The following GIGYF2 variants were observed in gnomAD, a reference collection of about 807,000 sequenced individuals.
GIGYF2 encodes the protein GRB10 interacting GYF protein 2, also known as GRB10-interacting GYF protein 2.
In GIGYF2, 25 loss-of-function variants were observed where a neutral mutation model predicts 208.1. The observed-to-expected ratio is 0.12, with a 90% CI of 0.09 to 0.17. The LOEUF is 0.17. Among genes scored for constraint, GIGYF2 ranks in the 10% least tolerant of loss-of-function variants. The pLI is 1.00. For missense variants in GIGYF2, 1,302 were observed against 1,579.4 expected, an observed-to-expected ratio of 0.82 and a Z score of 2.98; for synonymous variants, 534 against 543.8, an observed-to-expected ratio of 0.98 and a Z score of 0.25.
chr2:232,788,583 C>CA lies in GIGYF2; in HGVS notation c.712+1257dup, dbSNP rs373867892. 523 of 470,720 alleles carry CA rather than the reference C, an allele frequency of 1.1e-3. 3 individuals are homozygous for CA. Among genetic ancestry groups the CA allele is most frequent in the African/African-American group, 9.4e-3 (472 of 50,166 alleles). The allele number at this position is 470,720 out of a possible 1,614,324, so 29.2% of individuals were successfully genotyped here. ...AAAAGAAATTCCAGCTGGTCAAAAA[C>CA]AAACAAGGTGAATGTTTTGGAAGAT... On this transcript the variant is annotated intron_variant, in intron 9 of 28. Transcript: ENST00000373563.
chr2:232,791,602 T>C (rs1346156711), intron 12 of GIGYF2, among the ~76,000 whole-genome samples, 156 bp downstream of exon 12: 1 of 152,232 alleles, frequency 6.6e-6, no homozygotes, highest in African/African-American at 2.4e-5. Context: ...CAAACAGTGC[T>C]TCTCACGTAT....
chr2:232,815,374 A>G (rs568606696), intron 18 of GIGYF2, among the ~76,000 whole-genome samples: 1 of 152,326 alleles, frequency 6.6e-6, no homozygotes, highest in South Asian at 2.1e-4. Flanking sequence ...AAATGGGGGT[A>G]TGAATAGAAA....
Position 232,819,802 on chromosome 2 carries a change from CCCACCCT to C in GIGYF2, c.2371-21_2371-15del. ...ATAGACCTGAGTCCCTCCCCCACCC[CCCACCCT>C]CCATCTTTTTTCCTTAGGAAGAGGC... On this transcript the variant is annotated intron_variant, in intron 20 of 28. Transcript: ENST00000373563. 4.1e-5 allele frequency: 14 copies of C among 340,338 alleles called. No individual in the cohort carries two copies. Among genetic ancestry groups the C allele is most frequent in the African/African-American group, 6.6e-5 (2 of 30,260 alleles). 21.1% of individuals were successfully genotyped at this position (340,338 alleles called of 1,614,324 possible). A position where few individuals can be genotyped will look rare whatever the true frequency, so the allele number is the denominator to read the frequency against.
At chr2:232,818,967 TG>T (rs1700994303) in intron 20 of GIGYF2, among the ~76,000 whole-genome samples, 1 of 151,826 alleles carries the variant, frequency 6.6e-6, no homozygotes, top group Admixed American at 6.6e-5. Flanking sequence ...TAATATTTTT[TG>T]GTCTTTTTTT....
At position 232,702,920 on chromosome 2, in the gene GIGYF2, C is replaced by T. The variant is rs147525180; in HGVS notation, c.-109-504C>T. Among the ~76,000 whole-genome samples, 418 of 152,266 alleles carry T rather than the reference C, an allele frequency of 2.7e-3. 1 individual carries two copies. Among genetic ancestry groups the T allele is most frequent in the African/African-American group, 9.3e-3 (388 of 41,558 alleles). ...AGGTGATCCTCCTACCTCAGCTTCC[C>T]GAGTAGCTGGGACTACAGGCATGTG... On this transcript the variant is annotated intron_variant, in intron 1 of 28. Transcript: ENST00000373563.
chr2:232,740,522 G>A (rs1697932691), intron 3 of GIGYF2, among the ~76,000 whole-genome samples: 1 of 152,110 alleles, frequency 6.6e-6, no homozygotes, highest in South Asian at 2.1e-4. Flanking sequence ...TTATACATTT[G>A]TTAAAATAGT....
chr2:232,856,186 G>A (rs1370589398), intron 28 of GIGYF2, among the ~76,000 whole-genome samples: 2 of 151,970 alleles, frequency 1.3e-5, no homozygotes, highest in Non-Finnish European at 2.9e-5. Context: ...GCCTGCCTTG[G>A]CCTCCCAAAG....
chr2:232,730,495 C>T (rs1275651152), intron 2 of GIGYF2, among the ~76,000 whole-genome samples: 2 of 151,434 alleles, frequency 1.3e-5, no homozygotes, highest in East Asian at 3.9e-4. Flanking sequence ...ATCCCAGCCA[C>T]TCAGGAGGCT....
At position 232,850,276 on chromosome 2, in the gene GIGYF2, G is replaced by A; in HGVS notation, c.3699G>A (p.Gly1233=). The A allele has an allele frequency of 6.2e-7, 1 of 1,613,252 alleles. No individual in the cohort carries two copies. Among genetic ancestry groups the A allele is most frequent in the South Asian group, 1.1e-5 (1 of 91,072 alleles). ...TTATTTCACAGGACTCTGTGTGGGG[G>A]ATGAACCACAGTACACTCCATTCAG... ...QQPQQQDSVW[G]MNHSTLHSVF... Residue 1233 remains glycine, a synonymous_variant, in exon 28 of 29, where the codon GGG becomes GGA. Coordinates refer to ENST00000373563, the MANE Select transcript of GIGYF2 (RefSeq NM_001103146.3).
rs1690696153 is a variant in GIGYF2, at chr2:232,859,435, T to A, written c.*2575T>A. The stretch of plus-strand genomic sequence containing the variant: ...TGTGTGCCACCATGCCCAGCTCCAG[T>A]TTTGTTGGTTGATTTGTTTAAATTC... On this transcript the variant is annotated 3_prime_UTR_variant, in exon 29 of 29. Coordinates refer to ENST00000373563, the MANE Select transcript of GIGYF2 (RefSeq NM_001103146.3). The A allele has an allele frequency of 1.3e-5, 2 of 152,156 alleles. No homozygotes were observed. Among genetic ancestry groups the A allele is most frequent in the Non-Finnish European group, 2.9e-5 (2 of 68,082 alleles). 9.4% of individuals were successfully genotyped at this position (152,156 alleles called of 1,614,324 possible).
intron 8 of GIGYF2, among the ~76,000 whole-genome samples, chr2:232,774,102 C>T (rs905439013): frequency 1.3e-5 from 2 of 149,156 alleles, no homozygotes; most frequent in Middle Eastern, 3.2e-3. Context: ...GCCAACATAG[C>T]GAGACCCTGT....
intron 8 of GIGYF2, among the ~76,000 whole-genome samples, chr2:232,784,589 A>T (rs370461274): frequency 7.9e-6 from 1 of 126,148 alleles, no homozygotes; most frequent in Non-Finnish European, 1.7e-5. Context: ...ATGGGGTTTC[A>T]TCGTGTTAGC....
intron 8 of GIGYF2, among the ~76,000 whole-genome samples, chr2:232,785,908 G>T (rs1699893391): frequency 6.6e-6 from 1 of 152,194 alleles, no homozygotes; most frequent in Non-Finnish European, 1.5e-5. Flanking sequence ...GTCATTATGA[G>T]AACTTGAACT....
chr2:232,704,638 C>T (rs1349074777), intron 2 of GIGYF2, among the ~76,000 whole-genome samples: 1 of 152,032 alleles, frequency 6.6e-6, no homozygotes, highest in Non-Finnish European at 1.5e-5. Flanking sequence ...CCCAAGTGAT[C>T]CACCTGCCTT....
intron 8 of GIGYF2, among the ~76,000 whole-genome samples, chr2:232,774,044 C>T (rs748317203): frequency 1.7e-4 from 26 of 150,340 alleles, no homozygotes; most frequent in African/African-American, 4.7e-4. Flanking sequence ...CACTTTGGGA[C>T]GTTGAGTCGG....
intron 2 of GIGYF2, among the ~76,000 whole-genome samples, chr2:232,715,086 C>T (rs1472930597): frequency 2.0e-5 from 3 of 152,130 alleles, no homozygotes; most frequent in Non-Finnish European, 4.4e-5. Context: ...TCTTCAGTTC[C>T]ATCCATGTTC....
intron 4 of GIGYF2, 85 bp from the exon 5 acceptor site, chr2:232,748,902 G>A: frequency 6.4e-6 from 5 of 776,206 alleles, no homozygotes; most frequent in South Asian, 2.7e-5. Context: ...AAATAGAAGA[G>A]TATTCTTTCT....
intron 6 of GIGYF2, 32 bp from the exon 7 acceptor site, chr2:232,760,444 TCTGA>T (rs770696747): frequency 2.2e-5 from 30 of 1,338,978 alleles, no homozygotes; most frequent in East Asian, 1.1e-4. Context: ...CATGTTGACA[TCTGA>T]CTATCATTTT....
At chr2:232,744,267 G>A (rs570612806) in intron 3 of GIGYF2, among the ~76,000 whole-genome samples, 349 of 152,300 alleles carry the variant, frequency 2.3e-3, no homozygotes, top group Admixed American at 4.6e-3. Context: ...ATTGTGAGCA[G>A]CAATTGAAGA....
Sources: allele counts gnomAD v4.1 joint callset (sites outside exome capture counted in the v4.1 genomes callset), GRCh38; gene constraint gnomAD v4.1.1; transcripts MANE v1.5; gene names NCBI Gene and HGNC (gene_info 2026-07-23, HGNC 2026-07-21).